DOK6: variants seen among roughly 807,000 people sequenced by gnomAD.
DOK6 encodes the protein downstream of tyrosine kinase 6.
A neutral mutation model predicts 44.0 loss-of-function variants in DOK6; 22 were observed. That is an observed-to-expected ratio of 0.50 (90% CI 0.36 to 0.71). The LOEUF (loss-of-function observed/expected upper bound fraction) is 0.71. Among genes scored for constraint, DOK6 ranks in the 30% least tolerant of loss-of-function variants. The probability of loss-of-function intolerance (pLI) is 0.00; values close to 1 mark genes in which losing one functional copy is unlikely to be tolerated. For missense variants in DOK6, 340 were observed against 416.4 expected, an observed-to-expected ratio of 0.82 and a Z score of 1.60; for synonymous variants, 166 against 145.5, an observed-to-expected ratio of 1.14 and a Z score of -1.01.
At chr18:69,495,119 GGAC>G (rs1408271978) in intron 1 of DOK6, among the ~76,000 whole-genome samples, 1 of 152,242 alleles carries the variant, frequency 6.6e-6, no homozygotes, top group Non-Finnish European at 1.5e-5. Context: ...GGCTGTGGCT[GGAC>G]CAGGTTCACC....
chr18:69,804,396 C>A (rs1317014309), intron 7 of DOK6, among the ~76,000 whole-genome samples: 1 of 152,054 alleles, frequency 6.6e-6, no homozygotes, highest in East Asian at 1.9e-4. Context: ...TGGTTTAATT[C>A]TTCAATTTAC....
Position 69,615,253 on chromosome 18 carries a change from C to T in DOK6, c.289+15755C>T, listed in dbSNP as rs190184083. 2.0e-5 allele frequency among the ~76,000 whole-genome samples: 3 copies of T among 152,292 alleles called. No individual in the cohort carries two copies. The East Asian group carries it at 5.8e-4, about 29-fold the overall frequency. ...TTAGAAAAATTATTCACTAATGCTG[C>T]TTAGAGTTACATGGTCTGTGGGCAA... is the stretch of plus-strand genomic sequence containing the variant. On this transcript the variant is annotated intron_variant, in intron 3 of 7. Transcript: ENST00000382713.
At chr18:69,459,093 C>A (rs1979710712) in intron 1 of DOK6, among the ~76,000 whole-genome samples, 1 of 102,250 alleles carries the variant, frequency 9.8e-6, no homozygotes, top group Non-Finnish European at 1.9e-5. Context: ...GAGACTCCCC[C>A]CAACAACCCC....
At chr18:69,796,280 C>A (rs930620145) in intron 7 of DOK6, among the ~76,000 whole-genome samples, 1 of 152,162 alleles carries the variant, frequency 6.6e-6, no homozygotes, top group African/African-American at 2.4e-5. Context: ...TTTCTCTAAT[C>A]CCCAGTTCTG....
intron 5 of DOK6, among the ~76,000 whole-genome samples, chr18:69,716,233 T>C (rs1371880203): frequency 6.6e-6 from 1 of 152,176 alleles, no homozygotes; most frequent in Non-Finnish European, 1.5e-5. Context: ...TTCTACCTAC[T>C]GGATTTATTG....
chr18:69,561,655 G>A (rs1267100055), intron 1 of DOK6, among the ~76,000 whole-genome samples: 5 of 152,020 alleles, frequency 3.3e-5, no homozygotes, highest in Non-Finnish European at 5.9e-5. Flanking sequence ...TAGGGAAGGT[G>A]CATCTGATCA....
intron 1 of DOK6, among the ~76,000 whole-genome samples, chr18:69,527,655 C>A (rs1311726140): frequency 6.6e-6 from 1 of 152,140 alleles, no homozygotes; most frequent in Non-Finnish European, 1.5e-5. Context: ...TGCATTCCAT[C>A]TTAAATATAC....
At chr18:69,807,830 C>T (rs892980081) in intron 7 of DOK6, among the ~76,000 whole-genome samples, 1 of 151,306 alleles carries the variant, frequency 6.6e-6, no homozygotes, top group African/African-American at 2.4e-5. Context: ...GAGATAGACT[C>T]TAAAACAATA....
chr18:69,552,823 G>A lies in DOK6; in HGVS notation c.67-11664G>A, dbSNP rs542779574. ...AGCAAATATTCATAAGATGTTTGCCGAATGAATGAATTATGAAAGTGGAAC... is the reference window on the plus strand; with the variant it reads ...AGCAAATATTCATAAGATGTTTGCCAAATGAATGAATTATGAAAGTGGAAC... On this transcript the variant is annotated intron_variant, in intron 1 of 7. Coordinates refer to ENST00000382713, the MANE Select transcript of DOK6 (RefSeq NM_152721.6). Among the ~76,000 whole-genome samples the A allele has an allele frequency of 2.1e-4, 32 of 152,330 alleles. No individual in the cohort carries two copies. The South Asian group carries it at 5.6e-3, about 27-fold the overall frequency.
chr18:69,691,035 A>C (rs928932246), intron 4 of DOK6, among the ~76,000 whole-genome samples: 4 of 151,880 alleles, frequency 2.6e-5, no homozygotes, highest in African/African-American at 9.7e-5. Flanking sequence ...AAATTCAAAC[A>C]TTAGCTGGGC....
chr18:69,454,934 A>G (rs1979581347), intron 1 of DOK6, among the ~76,000 whole-genome samples: 1 of 135,456 alleles, frequency 7.4e-6, no homozygotes, highest in East Asian at 2.4e-4. Flanking sequence ...GGGGAGGGAT[A>G]GCATTGGGAG....
chr18:69,448,742 A>G (rs1036188162), intron 1 of DOK6, among the ~76,000 whole-genome samples: 27 of 152,364 alleles, frequency 1.8e-4, no homozygotes, highest in Admixed American at 1.6e-3. Flanking sequence ...TTTTTGGAAC[A>G]TTGAATAATC....
At chr18:69,830,914 A>G (rs1981882662) in intron 7 of DOK6, among the ~76,000 whole-genome samples, 1 of 152,194 alleles carries the variant, frequency 6.6e-6, no homozygotes, top group Non-Finnish European at 1.5e-5. Context: ...AAGTTGTTAA[A>G]TACCTCTGAG....
At chr18:69,757,711 T>A (rs779808830) in intron 6 of DOK6, 45 bp from the exon 7 acceptor site, 1 of 1,519,002 alleles carries the variant, frequency 6.6e-7, no homozygotes. Context: ...GATTTCAGTT[T>A]AATATTTTAA....
intron 5 of DOK6, among the ~76,000 whole-genome samples, chr18:69,731,796 G>A (rs1226636751): frequency 1.3e-5 from 2 of 152,192 alleles, no homozygotes; most frequent in Non-Finnish European, 2.9e-5. Flanking sequence ...TAACATGGCA[G>A]TTAAATTCAC....
At chr18:69,473,692 G>A (rs1980180403) in intron 1 of DOK6, among the ~76,000 whole-genome samples, 1 of 152,202 alleles carries the variant, frequency 6.6e-6, no homozygotes, top group African/African-American at 2.4e-5. Context: ...TCCCTTCAGT[G>A]TTACAATGTT....
chr18:69,405,592 TAAATAAAATA>T lies in DOK6; in HGVS notation c.66+4310_66+4319del, dbSNP rs149922407. Reference sequence around the variant, plus strand: ...GAAACTCTGTCTCAAAATAACTAACTAAATAAAATAAAATAAAATAAAATAAAATAAAATA... The same window carrying T: ...GAAACTCTGTCTCAAAATAACTAACTAAATAAAATAAAATAAAATAAAATA... On this transcript the variant is annotated intron_variant, in intron 1 of 7. Transcript: ENST00000382713. Among the ~76,000 whole-genome samples the T allele has an allele frequency of 3.5e-3, 525 of 149,766 alleles. 3 individuals carry two copies. Among genetic ancestry groups the T allele is most frequent in the South Asian group, 8.5e-3 (40 of 4,724 alleles).
rs138370475 is a variant in DOK6 at position 69,546,273 on chromosome 18, G to A, written c.67-18214G>A. 1.1e-3 allele frequency among the ~76,000 whole-genome samples: 160 copies of A among 144,654 alleles called. 2 individuals carry two copies. The highest frequency in any genetic ancestry group is 3.6e-3 in the African/African-American group (140 of 38,950). The allele number at this position is 144,654 out of a possible 152,430, so 94.9% of individuals were successfully genotyped here. A position where few individuals can be genotyped will look rare whatever the true frequency, so the allele number is the denominator to read the frequency against. ...GCTTGGACAACAAGAGCAAAACTCCGTCTCAAAAAAAAAAAAAAGTGTAAA... is the reference window on the plus strand; with the variant it reads ...GCTTGGACAACAAGAGCAAAACTCCATCTCAAAAAAAAAAAAAAGTGTAAA... On this transcript the variant is annotated intron_variant, in intron 1 of 7. Transcript: ENST00000382713.
intron 2 of DOK6, among the ~76,000 whole-genome samples, chr18:69,567,813 A>G (rs111816719): frequency 8.4e-4 from 128 of 152,308 alleles, no homozygotes; most frequent in Middle Eastern, 3.4e-3. Context: ...CGACAGGTAG[A>G]TGACACATGG....
Sources: gnomAD v4.1 joint callset for allele counts (sites outside exome capture counted in the v4.1 genomes callset) on GRCh38, gnomAD v4.1.1 for gene constraint, MANE v1.5 for transcripts, NCBI Gene and HGNC (gene_info 2026-07-23, HGNC 2026-07-21) for gene names.